The following KCNIP4 variants were observed in gnomAD, a reference collection of about 807,000 sequenced individuals.
KCNIP4 encodes potassium voltage-gated channel interacting protein 4.
Under a neutral mutation model 34.0 loss-of-function variants are expected in KCNIP4, and 12 were observed. The observed-to-expected ratio is 0.35, with a 90% confidence interval of 0.23 to 0.57. The LOEUF is 0.57. KCNIP4 is among the 20% of genes least tolerant of loss of function. KCNIP4 has a pLI of 0.83. For missense variants in KCNIP4, 238 were observed against 311.7 expected, an observed-to-expected ratio of 0.76 and a Z score of 1.78; for synonymous variants, 124 against 102.2, an observed-to-expected ratio of 1.21 and a Z score of -1.29.
At chr4:21,260,080 A>G (rs976238256) in intron 1 of KCNIP4, among the ~76,000 whole-genome samples, 55 of 152,086 alleles carry the variant, frequency 3.6e-4, no homozygotes, top group Admixed American at 2.6e-4. Flanking sequence ...TGTAATTTAA[A>G]CGGAGAAGGT....
chr4:21,755,444 C>T (rs1006031923), intron 1 of KCNIP4, among the ~76,000 whole-genome samples: 11 of 152,116 alleles, frequency 7.2e-5, no homozygotes, highest in Admixed American at 4.6e-4. Flanking sequence ...AAAACAGCAG[C>T]GCTGCACATC....
intron 1 of KCNIP4, among the ~76,000 whole-genome samples, chr4:21,018,052 T>G (rs1739710065): frequency 6.6e-6 from 1 of 152,234 alleles, no homozygotes; most frequent in African/African-American, 2.4e-5. Context: ...CATTTTCTTG[T>G]ACTACATGGT....
intron 1 of KCNIP4, among the ~76,000 whole-genome samples, chr4:21,812,115 T>C (rs7671494): frequency 0.38 from 57,339 of 152,040 alleles, 11,923 homozygotes; most frequent in East Asian, 0.65. Flanking sequence ...ATAACTATTT[T>C]CCAGAAAATA....
intron 3 of KCNIP4, among the ~76,000 whole-genome samples, chr4:20,765,085 T>C (rs892686243): frequency 6.6e-6 from 1 of 151,650 alleles, no homozygotes; most frequent in Non-Finnish European, 1.5e-5. Context: ...TAAGTAGTTA[T>C]TTAATGCCTT....
At chr4:21,811,717 G>T (rs947830280) in intron 1 of KCNIP4, among the ~76,000 whole-genome samples, 2 of 152,198 alleles carry the variant, frequency 1.3e-5, no homozygotes, top group Non-Finnish European at 2.9e-5. Flanking sequence ...TAGTATGTGT[G>T]ATTTGACCAA....
intron 1 of KCNIP4, among the ~76,000 whole-genome samples, chr4:21,325,079 T>TA (rs1207514022): frequency 2.0e-5 from 3 of 151,906 alleles, no homozygotes; most frequent in Non-Finnish European, 4.4e-5. Context: ...ATAGAAATAC[T>TA]ATGGATTTTT....
intron 1 of KCNIP4, among the ~76,000 whole-genome samples, chr4:21,037,411 C>T (rs1487781485): frequency 6.6e-6 from 1 of 152,126 alleles, no homozygotes; most frequent in Non-Finnish European, 1.5e-5. Context: ...TTTACTATAC[C>T]TTTTCTCTGT....
intron 1 of KCNIP4, among the ~76,000 whole-genome samples, chr4:21,555,085 T>G (rs1738895497): frequency 6.6e-6 from 1 of 152,210 alleles, no homozygotes; most frequent in Non-Finnish European, 1.5e-5. Flanking sequence ...TCACTAGAAC[T>G]GTACACAGTT....
intron 1 of KCNIP4, among the ~76,000 whole-genome samples, chr4:21,045,939 C>G (rs929006692): frequency 2.6e-5 from 4 of 152,054 alleles, no homozygotes; most frequent in Non-Finnish European, 5.9e-5. Flanking sequence ...TGCTATGAGA[C>G]ATTAATGGGA....
intron 1 of KCNIP4, among the ~76,000 whole-genome samples, chr4:21,931,086 T>G (rs1021437061): frequency 6.6e-6 from 1 of 152,112 alleles, no homozygotes; most frequent in Non-Finnish European, 1.5e-5. Flanking sequence ...GTAAGGCCAT[T>G]ACAAAATCAG....
rs933246560 is a variant in KCNIP4 at position 21,693,517 on chromosome 4, C to T, written c.61+255054G>A. Among the ~76,000 whole-genome samples, 5 of 152,062 alleles carry T rather than the reference C, an allele frequency of 3.3e-5. 1 individual carries two copies. The highest frequency in any genetic ancestry group is 3.3e-4 in the Admixed American group (5 of 15,256). ...GGTGGAGGTTGCAGTGAGCTGAGAT[C>T]GCACCACTGCACTCCAGCCTGGGTG... is the stretch of plus-strand genomic sequence containing the variant. On this transcript the variant is annotated intron_variant, in intron 1 of 8. Transcript: ENST00000382152.
chr4:21,719,532 A>T (rs1714631784), intron 1 of KCNIP4, among the ~76,000 whole-genome samples: 2 of 152,184 alleles, frequency 1.3e-5, no homozygotes, highest in African/African-American at 4.8e-5. Context: ...AGTTCAATGA[A>T]TATTTGCTGA....
chr4:21,215,496 A>G (rs1369786389), intron 1 of KCNIP4, among the ~76,000 whole-genome samples: 3 of 152,184 alleles, frequency 2.0e-5, no homozygotes, highest in Non-Finnish European at 4.4e-5. Flanking sequence ...CTTTCTCAGA[A>G]GCCTTTCTGG....
intron 1 of KCNIP4, among the ~76,000 whole-genome samples, chr4:21,720,614 G>C (rs952087828): frequency 2.0e-5 from 3 of 147,908 alleles, no homozygotes; most frequent in African/African-American, 7.5e-5. Context: ...CATGTGCCAT[G>C]TTGGTGTGCT....
intron 1 of KCNIP4, among the ~76,000 whole-genome samples, chr4:21,186,997 A>G (rs901612958): frequency 6.6e-5 from 10 of 152,096 alleles, no homozygotes; most frequent in African/African-American, 1.7e-4. Flanking sequence ...GTCACCAAAT[A>G]TCCTATTTTA....
intron 1 of KCNIP4, among the ~76,000 whole-genome samples, chr4:21,207,779 C>G (rs571492486): frequency 4.6e-5 from 7 of 151,680 alleles, no homozygotes; most frequent in Admixed American, 3.9e-4. Context: ...CAGTTATTTC[C>G]ACTTCTAAAA....
At chr4:20,828,156 C>T (rs1459961725) in intron 3 of KCNIP4, among the ~76,000 whole-genome samples, 9 of 152,138 alleles carry the variant, frequency 5.9e-5, no homozygotes, top group Non-Finnish European at 8.8e-5. Flanking sequence ...GGATCAGGCG[C>T]GGTGGCTCAA....
At chr4:21,199,565 T>C (rs1260029127) in intron 1 of KCNIP4, among the ~76,000 whole-genome samples, 22 of 152,322 alleles carry the variant, frequency 1.4e-4, no homozygotes, top group Admixed American at 1.4e-3. Context: ...AGAAGCTCTT[T>C]AGTTTAATTA....
intron 1 of KCNIP4, among the ~76,000 whole-genome samples, chr4:21,286,095 A>T (rs1763105222): frequency 6.6e-6 from 1 of 152,200 alleles, no homozygotes; most frequent in African/African-American, 2.4e-5. Context: ...TACACAGGGG[A>T]ATTTCCATGT....
Sources: gnomAD v4.1 joint callset for allele counts (sites outside exome capture counted in the v4.1 genomes callset) on GRCh38, gnomAD v4.1.1 for gene constraint, MANE v1.5 for transcripts, NCBI Gene and HGNC (gene_info 2026-07-23, HGNC 2026-07-21) for gene names.